SEMA5A: variants seen among roughly 807,000 people sequenced by gnomAD.
SEMA5A encodes semaphorin-5A.
SEMA5A carries 55 observed loss-of-function variants against 135.5 expected under a neutral mutation model. The observed-to-expected ratio is 0.41, with a 90% CI of 0.33 to 0.51. The LOEUF is 0.51. SEMA5A is among the 20% of genes least tolerant of loss of function. The pLI is 0.37. For missense variants in SEMA5A, 1,290 were observed against 1,419.9 expected, an observed-to-expected ratio of 0.91 and a Z score of 1.47; for synonymous variants, 580 against 546.5, an observed-to-expected ratio of 1.06 and a Z score of -0.85.
At chr5:9,347,403 G>A (rs1753923795) in intron 3 of SEMA5A, among the ~76,000 whole-genome samples, 1 of 152,172 alleles carries the variant, frequency 6.6e-6, no homozygotes, top group African/African-American at 2.4e-5. Flanking sequence ...TTCTTGTGAA[G>A]TTCACTGTTT....
intron 1 of SEMA5A, among the ~76,000 whole-genome samples, chr5:9,461,545 T>C (rs1471078853): frequency 6.6e-6 from 1 of 152,160 alleles, no homozygotes; most frequent in Non-Finnish European, 1.5e-5. Context: ...ATGATATTTT[T>C]CCAAGTAGAG....
intron 15 of SEMA5A, among the ~76,000 whole-genome samples, chr5:9,116,182 A>C (rs953397917): frequency 6.6e-6 from 1 of 152,144 alleles, no homozygotes. Context: ...CAAGCAGAGG[A>C]TCTAGCTAAG....
At chr5:9,301,282 T>C (rs1751598828) in intron 5 of SEMA5A, among the ~76,000 whole-genome samples, 1 of 152,208 alleles carries the variant, frequency 6.6e-6, no homozygotes, top group Non-Finnish European at 1.5e-5. Context: ...AGTTGATAAA[T>C]TTTAGGCAGC....
chr5:9,193,990 C>A (rs893199262), intron 10 of SEMA5A, among the ~76,000 whole-genome samples: 1 of 152,214 alleles, frequency 6.6e-6, no homozygotes, highest in Non-Finnish European at 1.5e-5. Flanking sequence ...CAACAACTGC[C>A]TCCTCATCCA....
At chr5:9,123,094 A>T (rs1740904643) in intron 13 of SEMA5A, among the ~76,000 whole-genome samples, 1 of 151,376 alleles carries the variant, frequency 6.6e-6, no homozygotes, top group Admixed American at 6.6e-5. Context: ...CTCCACTAAA[A>T]ATACAAAAAA....
intron 6 of SEMA5A, among the ~76,000 whole-genome samples, chr5:9,230,575 C>G (rs1747573939): frequency 6.6e-6 from 1 of 152,228 alleles, no homozygotes; most frequent in Non-Finnish European, 1.5e-5. Context: ...CGATGAGCCA[C>G]ATCCCCATGT....
chr5:9,500,701 G>C (rs1735549653), intron 1 of SEMA5A, among the ~76,000 whole-genome samples: 1 of 152,032 alleles, frequency 6.6e-6, no homozygotes, highest in Non-Finnish European at 1.5e-5. Context: ...CAGTATATAG[G>C]GTATACTTAT....
chr5:9,447,605 T>G (rs3798028), intron 1 of SEMA5A, among the ~76,000 whole-genome samples: 90,165 of 152,002 alleles, frequency 0.59, 28,632 homozygotes, highest in Non-Finnish European at 0.71. Flanking sequence ...TCATGTTTTA[T>G]AGAGGACTTA....
intron 4 of SEMA5A, among the ~76,000 whole-genome samples, chr5:9,320,270 A>C (rs975955521): frequency 1.3e-5 from 2 of 152,174 alleles, no homozygotes; most frequent in Non-Finnish European, 2.9e-5. Context: ...CTCCATCACA[A>C]AGCCATTTCA....
intron 22 of SEMA5A, among the ~76,000 whole-genome samples, chr5:9,043,769 C>CTGAT (rs1300313145): frequency 2.0e-5 from 3 of 152,314 alleles, no homozygotes; most frequent in African/African-American, 4.8e-5. Context: ...AGAAACATTT[C>CTGAT]TGATTATCTT....
At chr5:9,283,923 G>A (rs2150570070) in intron 5 of SEMA5A, among the ~76,000 whole-genome samples, 1 of 152,088 alleles carries the variant, frequency 6.6e-6, no homozygotes, top group Admixed American at 6.5e-5. Flanking sequence ...CAGAACCCGA[G>A]GTACATGGAC....
At chr5:9,480,969 A>G (rs1241578902) in intron 1 of SEMA5A, among the ~76,000 whole-genome samples, 4 of 152,138 alleles carry the variant, frequency 2.6e-5, no homozygotes, top group African/African-American at 9.7e-5. Context: ...TTTTTGAGAT[A>G]GAGTCTCATT....
At chr5:9,106,546 C>A (rs922669481) in intron 16 of SEMA5A, among the ~76,000 whole-genome samples, 1 of 152,114 alleles carries the variant, frequency 6.6e-6, no homozygotes, top group Non-Finnish European at 1.5e-5. Flanking sequence ...GTGAGATCAA[C>A]CCAGATCATC....
intron 16 of SEMA5A, among the ~76,000 whole-genome samples, chr5:9,106,990 C>T (rs750589434): frequency 6.6e-5 from 10 of 152,180 alleles, no homozygotes; most frequent in Non-Finnish European, 1.2e-4. Flanking sequence ...ATCCCTCTTC[C>T]TTTCTGAGAA....
intron 16 of SEMA5A, among the ~76,000 whole-genome samples, chr5:9,086,549 C>T (rs1365699580): frequency 1.3e-5 from 2 of 152,160 alleles, no homozygotes; most frequent in Non-Finnish European, 2.9e-5. Flanking sequence ...GCCTCCCTAG[C>T]CACATGGAAT....
chr5:9,374,087 G>A (rs970823578), intron 3 of SEMA5A, among the ~76,000 whole-genome samples: 14 of 152,166 alleles, frequency 9.2e-5, no homozygotes, highest in Non-Finnish European at 1.6e-4. Context: ...ATGTGTGAAC[G>A]GTGCATCTGT....
chr5:9,162,478 G>GTGTGTATA (rs1553995410), intron 11 of SEMA5A, among the ~76,000 whole-genome samples: 14,312 of 78,760 alleles, frequency 0.18, 1,294 homozygotes, highest in African/African-American at 0.26. Flanking sequence ...ATATATGTGT[G>GTGTGTATA]TGTGTATATA....
At chr5:9,098,896 C>G (rs537523566) in intron 16 of SEMA5A, among the ~76,000 whole-genome samples, 2 of 152,136 alleles carry the variant, frequency 1.3e-5, no homozygotes, top group Non-Finnish European at 2.9e-5. Flanking sequence ...GTCACTTTTA[C>G]AGTAGGAAAT....
At position 9,042,670 on chromosome 5, in the gene SEMA5A, C is replaced by A; in HGVS notation, c.*227G>T. The A allele has an allele frequency of 2.0e-6, 1 of 495,104 alleles. No homozygotes were observed. Among genetic ancestry groups the A allele is most frequent in the Non-Finnish European group, 3.5e-6 (1 of 283,020 alleles). The allele number at this position is 495,104 out of a possible 1,614,324, so 30.7% of individuals were successfully genotyped here. On this transcript the variant is annotated 3_prime_UTR_variant, in exon 23 of 23. Transcript: ENST00000382496. ...ATAGGATGAACACAATTAAAAACTT[C>A]ACACCCTGGCTCATTCAACAATGGT... is the stretch of plus-strand genomic sequence containing the variant.
Sources: gnomAD v4.1 joint callset for allele counts (sites outside exome capture counted in the v4.1 genomes callset) on GRCh38, gnomAD v4.1.1 for gene constraint, MANE v1.5 for transcripts, NCBI Gene and HGNC (gene_info 2026-07-23, HGNC 2026-07-21) for gene names.